MAST2: variants seen among roughly 807,000 people sequenced by gnomAD.
MAST2 encodes the protein microtubule-associated serine/threonine-protein kinase 2.
Under a neutral mutation model 147.4 loss-of-function variants are expected in MAST2, and 70 were observed. The observed-to-expected ratio is 0.47, with a 90% CI of 0.39 to 0.58. MAST2 has a LOEUF of 0.58. Among genes scored for constraint, MAST2 ranks in the 20% least tolerant of loss-of-function variants. The pLI is 0.00. For synonymous variants in MAST2, 869 were observed against 896.8 expected, an observed-to-expected ratio of 0.97 and a Z score of 0.55; for missense variants, 2,080 against 2,302.3, an observed-to-expected ratio of 0.90 and a Z score of 1.98.
intron 2 of MAST2, among the ~76,000 whole-genome samples, chr1:45,829,019 A>G (rs1364594710): frequency 6.6e-6 from 1 of 152,164 alleles, no homozygotes; most frequent in Admixed American, 6.5e-5. Context: ...GGCAGACAGT[A>G]AACCTGAACT....
intron 4 of MAST2, among the ~76,000 whole-genome samples, chr1:45,899,106 C>A (rs1649277286): frequency 6.6e-6 from 1 of 152,122 alleles, no homozygotes; most frequent in Non-Finnish European, 1.5e-5. Context: ...TTCAGCCCAC[C>A]AAGCAGATCT....
At chr1:45,840,319 G>C (rs1645234733) in intron 3 of MAST2, among the ~76,000 whole-genome samples, 1 of 152,130 alleles carries the variant, frequency 6.6e-6, no homozygotes, top group Non-Finnish European at 1.5e-5. Context: ...AATGTTCTTT[G>C]CATGCAACTC....
chr1:45,934,705 G>A lies in MAST2; in HGVS notation c.501-24681G>A, dbSNP rs551175689. 6.6e-5 allele frequency among the ~76,000 whole-genome samples: 10 copies of A among 152,352 alleles called. No homozygotes were observed. In the South Asian group the frequency reaches 1.7e-3, roughly 25 times the overall value. On this transcript the variant is annotated intron_variant, in intron 4 of 28. Coordinates refer to ENST00000361297, the MANE Select transcript of MAST2 (RefSeq NM_015112.3). ...ACCAAAGTGCTGGGATTACAGGAGT[G>A]AGCAACTGTGCCCGGCCAATTTCAT...
chr1:46,035,906 T>C lies in MAST2; in HGVS notation c.5237T>C (p.Val1746Ala), dbSNP rs1646887299. 6.2e-7 allele frequency: 1 copy of C among 1,614,016 alleles called. No individual in the cohort carries two copies. Among genetic ancestry groups the C allele is most frequent in the Non-Finnish European group, 8.5e-7 (1 of 1,180,014 alleles). Residue 1746 changes from valine (V) to alanine (A), a missense_variant, in exon 29 of 29, where the codon GTG (valine) becomes GCG (alanine). This residue lies in a region of MAST2 where 1,278 missense variants were observed against 1,304.2 expected (regional missense o/e 0.98). Coordinates refer to ENST00000361297, the MANE Select transcript of MAST2 (RefSeq NM_015112.3). The surrounding 1 kb of genome is among the most constrained non-coding windows in gnomAD (Gnocchi z 5.5). ...KEDPALSITQ[V>A]PDASGDRRQD... ...GATCCAGCCCTGAGCATCACCCAAGTGCCTGATGCCTCAGGTGACAGAAGG... is the reference window on the plus strand; with the variant it reads ...GATCCAGCCCTGAGCATCACCCAAGCGCCTGATGCCTCAGGTGACAGAAGG...
intron 4 of MAST2, among the ~76,000 whole-genome samples, chr1:45,931,428 C>G (rs1655291048): frequency 7.6e-6 from 1 of 131,130 alleles, no homozygotes; most frequent in Non-Finnish European, 1.5e-5. Context: ...GTTGCCCAGG[C>G]TGGAATGCAG....
chr1:45,928,950 CT>C (rs1395027213), intron 4 of MAST2, among the ~76,000 whole-genome samples: 14 of 150,594 alleles, frequency 9.3e-5, no homozygotes, highest in African/African-American at 3.2e-4. Flanking sequence ...CTGACATGTT[CT>C]TATGAGCTCT....
chr1:46,030,961 G>A (rs762312379), intron 22 of MAST2, 46 bp from the exon 23 acceptor site: 1 of 1,591,558 alleles, frequency 6.3e-7, no homozygotes, highest in East Asian at 2.2e-5. Flanking sequence ...CTGGCAGGAG[G>A]AGGGGGACCA....
At chr1:45,897,424 T>G (rs569797854) in intron 4 of MAST2, among the ~76,000 whole-genome samples, 3 of 152,210 alleles carry the variant, frequency 2.0e-5, no homozygotes, top group Non-Finnish European at 4.4e-5. Context: ...TCTCTGATGT[T>G]TCAGCACTTG....
chr1:46,031,270 G>C lies in MAST2; in HGVS notation c.2972G>C (p.Arg991Pro). The C allele has an allele frequency of 6.5e-7, 1 of 1,535,696 alleles. No individual in the cohort carries two copies. The highest frequency in any genetic ancestry group is 8.8e-7 in the Non-Finnish European group (1 of 1,137,892). Reference sequence around the variant, plus strand: ...AAGCTGGATGAGGAAGCTGTTGGCCGGAGCAGTGGTTCCAGTCCAGGTATG... The same window carrying C: ...AAGCTGGATGAGGAAGCTGTTGGCCCGAGCAGTGGTTCCAGTCCAGGTATG... ...RPKLDEEAVGRSSGSSPAMET... is the reference protein window; with the variant it reads ...RPKLDEEAVGPSSGSSPAMET... The change falls in exon 23 of 29, where the codon CGG becomes CCG. Residue 991 changes from arginine to proline, a missense_variant. Transcript: ENST00000361297. This position sits in a 1 kb window ranked among gnomAD's most constrained non-coding sequence, Gnocchi z 4.1.
At chr1:45,979,393 G>A (rs1644305692) in intron 5 of MAST2, among the ~76,000 whole-genome samples, 1 of 150,346 alleles carries the variant, frequency 6.7e-6, no homozygotes, top group Admixed American at 6.6e-5. Flanking sequence ...GAAAAAGCCT[G>A]CTTGCTAGGC....
rs566559385 is a variant in MAST2 at position 45,851,793 on chromosome 1, G to T, written c.468+22212G>T. On this transcript the variant is annotated intron_variant, in intron 3 of 28. Coordinates refer to ENST00000361297, the MANE Select transcript of MAST2 (RefSeq NM_015112.3). ...TTGAAATGAATTACCTGAGCTGAGG[G>T]ACTGAGATTGCTGCTGGCAAATAGA... 2.9e-4 allele frequency among the ~76,000 whole-genome samples: 44 copies of T among 152,080 alleles called. No individual in the cohort carries two copies. In the South Asian group the frequency reaches 8.7e-3, roughly 30 times the overall value.
At chr1:46,010,653 T>G in intron 9 of MAST2, 77 bp from the exon 10 acceptor site, 1 of 1,328,768 alleles carries the variant, frequency 7.5e-7, no homozygotes, top group Non-Finnish European at 1.1e-6. Context: ...TATTTTGCTA[T>G]TTCCAGGTCC....
chr1:46,005,249 C>G (rs1571171336), intron 7 of MAST2, among the ~76,000 whole-genome samples: 1 of 152,088 alleles, frequency 6.6e-6, no homozygotes, highest in Non-Finnish European at 1.5e-5. Context: ...GTAATCTCAA[C>G]TACTCAGGAG....
At chr1:46,029,675 C>G in intron 19 of MAST2, 108 bp downstream of exon 19, 1 of 1,365,536 alleles carries the variant, frequency 7.3e-7, no homozygotes, top group Non-Finnish European at 1.0e-6. Flanking sequence ...CCCTCTGGAT[C>G]CTGAAACTCT....
chr1:45,948,613 A>G (rs994523277), intron 4 of MAST2, among the ~76,000 whole-genome samples: 1 of 143,408 alleles, frequency 7.0e-6, no homozygotes, highest in Non-Finnish European at 1.5e-5. Context: ...AGGCTGAGGC[A>G]GGAGAATTGC....
intron 11 of MAST2, among the ~76,000 whole-genome samples, chr1:46,020,613 T>A (rs1424434791): frequency 6.6e-5 from 10 of 152,196 alleles, no homozygotes; most frequent in Admixed American, 6.5e-4. Flanking sequence ...AATACACACT[T>A]GTAGAATCGT....
rs146182336 is a variant in MAST2 at position 46,015,439 on chromosome 1, A to G, written c.1189-4157A>G. Among the ~76,000 whole-genome samples, 87 of 152,028 alleles carry G rather than the reference A, an allele frequency of 5.7e-4. No individual in the cohort carries two copies. The East Asian group carries it at 0.013, about 23-fold the overall frequency. On this transcript the variant is annotated intron_variant, in intron 10 of 28. Transcript: ENST00000361297. Reference sequence around the variant, plus strand: ...TGATAGACCGCTACCAAGACTAATAAAGAAGAAAAGAGAGAAGAATCAAAT... The same window carrying G: ...TGATAGACCGCTACCAAGACTAATAGAGAAGAAAAGAGAGAAGAATCAAAT...
At chr1:45,940,289 G>A (rs1007539837) in intron 4 of MAST2, among the ~76,000 whole-genome samples, 3 of 151,880 alleles carry the variant, frequency 2.0e-5, no homozygotes, top group East Asian at 1.9e-4. Flanking sequence ...CACCATGCCC[G>A]GCCTATTTAG....
intron 3 of MAST2, among the ~76,000 whole-genome samples, chr1:45,837,177 C>T (rs1022421429): frequency 2.6e-5 from 4 of 152,008 alleles, no homozygotes; most frequent in Admixed American, 2.0e-4. Context: ...CCTCATACAG[C>T]TCATCTCCTG....
Sources: gnomAD v4.1 joint callset for allele counts (sites outside exome capture counted in the v4.1 genomes callset) on GRCh38, gnomAD v4.1.1 for gene constraint, gnomAD v4.1.1 regional missense constraint, Gnocchi (gnomAD v3.1) non-coding constraint, MANE v1.5 for transcripts, NCBI Gene and HGNC (gene_info 2026-07-23, HGNC 2026-07-21) for gene names.